The following APOD variants were observed in gnomAD, a reference collection of about 807,000 sequenced individuals.
The protein encoded by APOD is apolipoprotein D.
APOD carries 22 observed loss-of-function variants against 20.4 expected under a neutral mutation model. The ratio of observed to expected loss-of-function variants is 1.08; its 90% CI spans 0.77 to 1.54. The LOEUF is 1.54. Ranked by LOEUF, APOD falls within the 40% of genes most tolerant of loss-of-function variation. The pLI is 0.00. For missense variants in APOD, 223 were observed against 229.6 expected (o/e 0.97, Z 0.19); for synonymous variants, 97 against 92.4 (o/e 1.05, Z -0.29).
At chr3:195,575,880 C>A (rs897294473) in intron 2 of APOD, among the ~76,000 whole-genome samples, 1 of 152,164 alleles carries the variant, frequency 6.6e-6, no homozygotes, top group Admixed American at 6.5e-5. Context: ...CCTGCCTCGG[C>A]CTCCCAAAGT....
chr3:195,574,062 T>C (rs1453023489), intron 2 of APOD, 91 bp from the exon 3 acceptor site: 1 of 1,520,952 alleles, frequency 6.6e-7, no homozygotes, highest in Admixed American at 2.1e-5. Context: ...AGCCCTGTCC[T>C]GGGGAAGCCA....
chr3:195,571,281 G>A lies in APOD; in HGVS notation c.330C>T (p.Ser110=), dbSNP rs756869449. ...CTGGGAAAAGTGGATACTTACACCA[G>A]GAAAACTTAACTTCCAGCTTGGCAG... The part of the protein sequence containing the change: ...TEPAKLEVKF[S]WFMPSAPYWI... The change falls in exon 4 of 5, where the codon TCC becomes TCT. Residue 110 remains serine (S), a synonymous_variant. Coordinates refer to ENST00000343267, the MANE Select transcript of APOD (RefSeq NM_001647.4). 1.2e-6 allele frequency: 2 copies of A among 1,613,904 alleles called. No homozygotes were observed. Among genetic ancestry groups the A allele is most frequent in the Non-Finnish European group, 1.7e-6 (2 of 1,179,880 alleles).
In APOD at chr3:195,571,258, G is replaced by T. The variant is rs146386236; in HGVS notation, c.334+19C>A. 27 of 1,610,094 alleles carry T rather than the reference G, an allele frequency of 1.7e-5. No homozygotes were observed. In the Admixed American group the frequency reaches 2.8e-4, roughly 17 times the overall value. The stretch of plus-strand genomic sequence containing the variant: ...ATATTTCCTGTCCCTGAATCCTCCT[G>T]GGAAAAGTGGATACTTACACCAGGA... On this transcript the variant is annotated intron_variant, in intron 4 of 4. Transcript: ENST00000343267.
At chr3:195,571,159 T>C in intron 4 of APOD, 118 bp downstream of exon 4, 1 of 880,664 alleles carries the variant, frequency 1.1e-6, no homozygotes, top group Non-Finnish European at 1.9e-6. Context: ...CAGATAATTA[T>C]GTGCTGAGTG....
intron 2 of APOD, among the ~76,000 whole-genome samples, chr3:195,578,553 C>T (rs1212766011): frequency 6.6e-6 from 1 of 152,178 alleles, no homozygotes; most frequent in Non-Finnish European, 1.5e-5. Context: ...CCAATAGCTG[C>T]CTCTTTCTGC....
chr3:195,571,110 C>G (rs577086425), intron 4 of APOD, 167 bp downstream of exon 4: 3 of 678,702 alleles, frequency 4.4e-6, no homozygotes, highest in Non-Finnish European at 7.9e-6. Context: ...TCCGGCTCAT[C>G]ATGGCAACCC....
chr3:195,569,786 GTTTTTTTTTTTTTTT>G (rs543541862), intron 4 of APOD, among the ~76,000 whole-genome samples: 13 of 54,054 alleles, frequency 2.4e-4, no homozygotes, highest in African/African-American at 7.5e-4. Flanking sequence ...CTTCTTCTTC[GTTTTTTTTTTTTTTT>G]TTTTTTTTTT....
At chr3:195,569,861 G>A (rs188951250) in intron 4 of APOD, among the ~76,000 whole-genome samples, 9 of 137,630 alleles carry the variant, frequency 6.5e-5, no homozygotes, top group South Asian at 4.9e-4. Flanking sequence ...GTGCAATGGC[G>A]CGATCTCAGC....
chr3:195,581,787 C>T (rs1373020675), intron 1 of APOD, among the ~76,000 whole-genome samples: 1 of 152,352 alleles, frequency 6.6e-6, no homozygotes, highest in South Asian at 2.1e-4. Context: ...GAAACAGATT[C>T]TTTACCTCAG....
intron 1 of APOD, among the ~76,000 whole-genome samples, chr3:195,581,604 C>A (rs1720339704): frequency 6.6e-6 from 1 of 152,188 alleles, no homozygotes; most frequent in African/African-American, 2.4e-5. Flanking sequence ...GGGACTCGAG[C>A]TCCATCTCCC....
intron 1 of APOD, among the ~76,000 whole-genome samples, chr3:195,581,912 A>C (rs181012598): frequency 1.3e-5 from 2 of 152,278 alleles, no homozygotes; most frequent in East Asian, 3.9e-4. Context: ...CGGTGGCTCA[A>C]GCCTGTAATC....
At chr3:195,576,079 T>TGG (rs1720243264) in intron 2 of APOD, among the ~76,000 whole-genome samples, 1 of 152,210 alleles carries the variant, frequency 6.6e-6, no homozygotes. Flanking sequence ...TACTCACTTA[T>TGG]TAAAGCACAG....
In APOD at chr3:195,568,934, A is replaced by G. The variant is rs1720107095; in HGVS notation, c.536T>C (p.Val179Ala). Residue 179 changes from valine to alanine, a missense_variant, in exon 5 of 5, where the codon GTC becomes GCC. Coordinates refer to ENST00000343267, the MANE Select transcript of APOD (RefSeq NM_001647.4). ...CTTGGGGCAGTTCACCTGGTCTGTG[A>G]CCGTCATTTTCTTGACATCAATGTT... ...SNNIDVKKMT[V>A]TDQVNCPKLS 1 of 1,613,972 alleles carries G rather than the reference A, an allele frequency of 6.2e-7. No individual in the cohort carries two copies. The highest frequency in any genetic ancestry group is 1.3e-5 in the African/African-American group (1 of 74,960).
intron 2 of APOD, among the ~76,000 whole-genome samples, chr3:195,578,255 G>A (rs1720278177): frequency 1.3e-5 from 2 of 151,832 alleles, no homozygotes; most frequent in South Asian, 4.2e-4. Flanking sequence ...CTGAATAAAG[G>A]GATCAGCCTG....
At position 195,568,831 on chromosome 3, in the gene APOD, T is replaced by TGGG. The variant is rs1553889293; in HGVS notation, c.*66_*68dup. 51 of 898,420 alleles carry TGGG rather than the reference T, an allele frequency of 5.7e-5. No individual in the cohort carries two copies. In the African/African-American group the frequency reaches 7.9e-4, roughly 14 times the overall value. 55.7% of individuals were successfully genotyped at this position (898,420 alleles called of 1,614,324 possible). ...GTCGTGGTTGATTGGTTTGTCTTTA[T>TGGG]GGGGGGGGGGTAGGGGAAAGCGAAG... On this transcript the variant is annotated 3_prime_UTR_variant, in exon 5 of 5. Coordinates refer to ENST00000343267, the MANE Select transcript of APOD (RefSeq NM_001647.4).
chr3:195,578,577 C>T (rs1053470891), intron 2 of APOD, among the ~76,000 whole-genome samples: 2 of 152,144 alleles, frequency 1.3e-5, no homozygotes, highest in African/African-American at 4.8e-5. Context: ...CCTCTTCCTT[C>T]CCCTCCCGCT....
intron 2 of APOD, chr3:195,576,998 A>C (rs1426505285): frequency 1.1e-5 from 2 of 188,888 alleles, no homozygotes; most frequent in Non-Finnish European, 2.2e-5. Flanking sequence ...CAGCCTGGGC[A>C]ACATGGTGAA....
chr3:195,579,923 C>T lies in APOD; in HGVS notation c.-34-428G>A, dbSNP rs1165313464. On this transcript the variant is annotated intron_variant, in intron 1 of 4. Transcript: ENST00000343267. ...GCCTCCAAGTGAACCACGAAAGACA[C>T]GAAACCAAACCAAATGTTGCCCAAC... 2.6e-5 allele frequency among the ~76,000 whole-genome samples: 4 copies of T among 152,280 alleles called. No individual in the cohort carries two copies. In the East Asian group the frequency reaches 7.7e-4, roughly 29 times the overall value.
At chr3:195,581,614 C>T (rs1323847439) in intron 1 of APOD, among the ~76,000 whole-genome samples, 1 of 152,176 alleles carries the variant, frequency 6.6e-6, no homozygotes, top group Non-Finnish European at 1.5e-5. Flanking sequence ...CTCCATCTCC[C>T]CCTCTCCTGT....
Sources: allele counts gnomAD v4.1 joint callset (sites outside exome capture counted in the v4.1 genomes callset), GRCh38; gene constraint gnomAD v4.1.1; transcripts MANE v1.5; gene names NCBI Gene and HGNC (gene_info 2026-07-23, HGNC 2026-07-21).